ZFHX3: variants seen among roughly 807,000 people sequenced by gnomAD.
ZFHX3 encodes the protein zinc finger homeobox 3.
Under a neutral mutation model 279.1 loss-of-function variants are expected in ZFHX3, and 42 were observed. That is an observed-to-expected ratio of 0.15 (90% CI 0.12 to 0.19). The LOEUF is 0.19. Ranked by LOEUF, ZFHX3 falls within the 10% of genes least tolerant of loss-of-function variation. ZFHX3 has a pLI of 1.00. For synonymous variants in ZFHX3, 2,293 were observed against 1,957.8 expected, an observed-to-expected ratio of 1.17 and a Z score of -4.52; for missense variants, 4,981 against 4,754.0, an observed-to-expected ratio of 1.05 and a Z score of -1.40.
intron 7 of ZFHX3, among the ~76,000 whole-genome samples, chr16:73,116,438 T>C (rs1966434401): frequency 6.6e-6 from 1 of 152,192 alleles, no homozygotes; most frequent in African/African-American, 2.4e-5. Context: ...AAACACTCCC[T>C]ACATTGTGGA....
In ZFHX3 at chr16:73,664,834, G is replaced by A. The variant is rs527640504; in HGVS notation, c.-1547+15346C>T. Among the ~76,000 whole-genome samples, 10 of 152,278 alleles carry A rather than the reference G, an allele frequency of 6.6e-5. No individual in the cohort carries two copies. The East Asian group carries it at 1.7e-3, about 26-fold the overall frequency. On this transcript the variant is annotated intron_variant, in intron 2 of 17. Transcript: ENST00000641206. ...CACCCGGAGGAAAGTAATTATAAAG[G>A]ACAATAACTTTTCCTTTCCGTATAC... is the stretch of plus-strand genomic sequence containing the variant.
intron 2 of ZFHX3, among the ~76,000 whole-genome samples, chr16:73,598,899 A>G (rs904446568): frequency 2.0e-5 from 3 of 152,146 alleles, no homozygotes; most frequent in Non-Finnish European, 2.9e-5. Context: ...AGTAGCTGGG[A>G]TTACAGGAGC....
intron 5 of ZFHX3, among the ~76,000 whole-genome samples, chr16:73,187,919 C>T (rs182446000): frequency 6.8e-4 from 103 of 152,210 alleles, no homozygotes; most frequent in African/African-American, 2.3e-3. Context: ...AGTGCAATGG[C>T]GTGATCTCGG....
At chr16:73,411,127 G>A (rs1371583243) in intron 3 of ZFHX3, among the ~76,000 whole-genome samples, 2 of 152,198 alleles carry the variant, frequency 1.3e-5, no homozygotes, top group African/African-American at 4.8e-5. Flanking sequence ...TAAAGACAGG[G>A]CCCTGTGACA....
intron 3 of ZFHX3, among the ~76,000 whole-genome samples, chr16:73,409,876 A>G (rs1344094863): frequency 4.0e-5 from 6 of 150,924 alleles, no homozygotes; most frequent in Non-Finnish European, 7.4e-5. Context: ...CAAACTTCAC[A>G]TGTTCTCACC....
chr16:73,603,770 C>T (rs916905854), intron 2 of ZFHX3, among the ~76,000 whole-genome samples: 3 of 117,874 alleles, frequency 2.5e-5, no homozygotes, highest in African/African-American at 3.3e-5. Flanking sequence ...GAAAAAAATA[C>T]GCTTTTTTTT....
chr16:73,010,460 C>T, intron 1 of ZFHX3, among the ~76,000 whole-genome samples: 1 of 152,248 alleles, frequency 6.6e-6, no homozygotes, highest in East Asian at 1.9e-4. Flanking sequence ...GCACTAATCC[C>T]TCTTTGTCCA....
chr16:73,728,016 C>CCCA (rs1555535412), intron 1 of ZFHX3, among the ~76,000 whole-genome samples: 1 of 4,136 alleles, frequency 2.4e-4, no homozygotes. Context: ...CCGAATTGTG[C>CCCA]CCCCCCCCCG....
At chr16:73,270,568 C>T (rs1334475260) in intron 4 of ZFHX3, among the ~76,000 whole-genome samples, 1 of 152,098 alleles carries the variant, frequency 6.6e-6, no homozygotes, top group Non-Finnish European at 1.5e-5. Context: ...CTCTTGTTCC[C>T]AGTGGACATG....
At chr16:73,162,890 T>G (rs1216879837) in intron 5 of ZFHX3, among the ~76,000 whole-genome samples, 1 of 152,250 alleles carries the variant, frequency 6.6e-6, no homozygotes, top group Non-Finnish European at 1.5e-5. Context: ...TGGTCATCTG[T>G]GAATTCAGAA....
intron 2 of ZFHX3, among the ~76,000 whole-genome samples, chr16:73,662,045 A>T (rs2052791154): frequency 6.6e-6 from 1 of 150,844 alleles, no homozygotes; most frequent in African/African-American, 2.4e-5. Context: ...TTACACAAGA[A>T]CTCAGGGTTG....
intron 7 of ZFHX3, among the ~76,000 whole-genome samples, chr16:73,129,242 G>A (rs1175762591): frequency 6.6e-6 from 1 of 152,050 alleles, no homozygotes; most frequent in Non-Finnish European, 1.5e-5. Flanking sequence ...ACAAAAATTA[G>A]CCAGGCGTGG....
In ZFHX3 at chr16:73,549,412, C is replaced by A. The variant is rs533738711; in HGVS notation, c.-1546-93154G>T. On this transcript the variant is annotated intron_variant, in intron 2 of 17. Coordinates refer to the ZFHX3 transcript ENST00000641206. ...TACAGGTTCTTTTTTTCTTTAATGT[C>A]AGGAAGAAAACGGCAGTCATGATAG... Among the ~76,000 whole-genome samples the A allele has an allele frequency of 1.4e-4, 22 of 152,026 alleles. 1 individual carries two copies. The highest frequency in any genetic ancestry group is 1.2e-3 in the Admixed American group (19 of 15,272).
intron 5 of ZFHX3, among the ~76,000 whole-genome samples, chr16:73,200,389 G>A (rs541017081): frequency 3.9e-5 from 6 of 152,124 alleles, no homozygotes; most frequent in African/African-American, 1.4e-4. Context: ...TAGAATTATG[G>A]TGAGAATGTG....
chr16:73,164,114 T>A (rs1055240677), intron 5 of ZFHX3, among the ~76,000 whole-genome samples: 43 of 152,220 alleles, frequency 2.8e-4, no homozygotes, highest in African/African-American at 9.9e-4. Context: ...AATTTGTGAC[T>A]ATGTGCAGCA....
chr16:73,099,568 G>A (rs1237333025), intron 7 of ZFHX3, among the ~76,000 whole-genome samples: 1 of 151,990 alleles, frequency 6.6e-6, no homozygotes, highest in Admixed American at 6.6e-5. Flanking sequence ...AAAATTAGCT[G>A]GGTGTGGTTG....
At chr16:73,299,724 C>T (rs534768967) in intron 4 of ZFHX3, among the ~76,000 whole-genome samples, 3 of 152,176 alleles carry the variant, frequency 2.0e-5, no homozygotes, top group Non-Finnish European at 2.9e-5. Flanking sequence ...ACCCAAAATG[C>T]CCCATATTTC....
chr16:73,003,332 A>C (rs76714319), intron 1 of ZFHX3, among the ~76,000 whole-genome samples: 2 of 151,366 alleles, frequency 1.3e-5, no homozygotes, highest in Non-Finnish European at 2.9e-5. Flanking sequence ...AAAAAAAAAA[A>C]CCATCAGACA....
chr16:73,570,536 A>T (rs1401468384), intron 2 of ZFHX3, among the ~76,000 whole-genome samples: 1 of 152,234 alleles, frequency 6.6e-6, no homozygotes. Flanking sequence ...AGGTTTTCCA[A>T]AATGGCGACT....
Sources: gnomAD v4.1 joint callset for allele counts (sites outside exome capture counted in the v4.1 genomes callset) on GRCh38, gnomAD v4.1.1 for gene constraint, MANE v1.5 for transcripts, NCBI Gene and HGNC (gene_info 2026-07-23, HGNC 2026-07-21) for gene names.